The following TXK variants were observed in gnomAD, a reference collection of about 807,000 sequenced individuals.
The protein encoded by TXK is TXK tyrosine kinase, also known as tyrosine-protein kinase TXK.
A neutral mutation model predicts 81.0 loss-of-function variants in TXK; 60 were observed. The ratio of observed to expected loss-of-function variants is 0.74; its 90% CI spans 0.60 to 0.92. The LOEUF is 0.92. TXK is among the 40% of genes least tolerant of loss of function. The pLI is 0.00. For missense variants in TXK, 581 were observed against 638.3 expected (o/e 0.91, Z 0.97); for synonymous variants, 203 against 210.7 (o/e 0.96, Z 0.32).
rs2109419637 is a variant in TXK, at chr4:48,086,369, G to A, written c.956+97C>T. 6 of 1,279,320 alleles carry A rather than the reference G, an allele frequency of 4.7e-6. No homozygotes were observed. The South Asian group carries it at 8.0e-5, about 17-fold the overall frequency. 79.2% of individuals were successfully genotyped at this position (1,279,320 alleles called of 1,614,324 possible). A position where few individuals can be genotyped will look rare whatever the true frequency, so the allele number is the denominator to read the frequency against. On this transcript the variant is annotated intron_variant, in intron 10 of 14. Coordinates refer to ENST00000264316, the MANE Select transcript of TXK (RefSeq NM_003328.3). Reference sequence around the variant, plus strand: ...TTACACAATGAGCTTGAGCAAAGTTGTGACACAAATCCAGGTGTGGCTGCC... The same window carrying A: ...TTACACAATGAGCTTGAGCAAAGTTATGACACAAATCCAGGTGTGGCTGCC...
chr4:48,112,522 C>A lies in TXK; in HGVS notation c.175-10G>T. On this transcript the variant is annotated splice_polypyrimidine_tract_variant and intron_variant, in intron 3 of 14. Coordinates refer to ENST00000264316, the MANE Select transcript of TXK (RefSeq NM_003328.3). ...CACGGCCCGTGTTGGACTGTGAAAA[C>A]CAATAAGTGAGTTGTTTTACTATCA... 1 of 1,589,918 alleles carries A rather than the reference C, an allele frequency of 6.3e-7. No homozygotes were observed.
At chr4:48,112,551 T>G (rs776479427) in intron 3 of TXK, 39 bp from the exon 4 acceptor site, 1 of 1,548,374 alleles carries the variant, frequency 6.5e-7, no homozygotes, top group South Asian at 1.2e-5. Flanking sequence ...ACTATCATTT[T>G]AATAATTTGT....
At chr4:48,071,446 G>A in intron 14 of TXK, 71 bp downstream of exon 14, 2 of 1,457,262 alleles carry the variant, frequency 1.4e-6, no homozygotes, top group Non-Finnish European at 1.9e-6. Context: ...CTGAAGTAAT[G>A]TTTGTGATAA....
At chr4:48,090,571 C>A (rs1717725585) in intron 8 of TXK, among the ~76,000 whole-genome samples, 1 of 152,140 alleles carries the variant, frequency 6.6e-6, no homozygotes, top group Non-Finnish European at 1.5e-5. Context: ...GTTTAATAAT[C>A]ATTTATTATT....
chr4:48,124,861 C>G lies in TXK; in HGVS notation c.16+9294G>C, dbSNP rs542935488. Among the ~76,000 whole-genome samples, 3 of 152,296 alleles carry G rather than the reference C, an allele frequency of 2.0e-5. No homozygotes were observed. The East Asian group carries it at 5.8e-4, about 29-fold the overall frequency. The stretch of plus-strand genomic sequence containing the variant: ...TTTTTTCTTTTCTGTATTAAAAGAA[C>G]ATATGGGGTTCAGCAGGCTTTAGTA... On this transcript the variant is annotated intron_variant, in intron 1 of 14. Transcript: ENST00000264316.
chr4:48,086,506 T>G lies in TXK; in HGVS notation c.916A>C (p.Met306Leu). 1 of 1,614,130 alleles carries G rather than the reference T, an allele frequency of 6.2e-7. No individual in the cohort carries two copies. Among genetic ancestry groups the G allele is most frequent in the Non-Finnish European group, 8.5e-7 (1 of 1,179,998 alleles). Residue 306 changes from methionine to leucine, a missense_variant, in exon 10 of 15, where the codon ATG becomes CTG. By Grantham distance (15) the Met-to-Leu change is conservative. Transcript: ENST00000264316. ...VAIKAINEGS[M>L]SEEDFIEEAK... Reference sequence around the variant, plus strand: ...TCTTCAATGAAATCCTCTTCAGACATGGAGCCTTCATTGATGGCCTTGATA... The same window carrying G: ...TCTTCAATGAAATCCTCTTCAGACAGGGAGCCTTCATTGATGGCCTTGATA...
At chr4:48,095,817 T>C (rs1717957508) in intron 6 of TXK, among the ~76,000 whole-genome samples, 3 of 152,342 alleles carry the variant, frequency 2.0e-5, no homozygotes, top group Admixed American at 1.3e-4. Flanking sequence ...TCTGAAGTTA[T>C]GTTATAAATT....
At chr4:48,100,120 G>C (rs887732297) in intron 6 of TXK, among the ~76,000 whole-genome samples, 3 of 138,736 alleles carry the variant, frequency 2.2e-5, no homozygotes, top group African/African-American at 5.4e-5. Context: ...TGCAGTGAGC[G>C]GAGATCGCGC....
intron 1 of TXK, among the ~76,000 whole-genome samples, chr4:48,118,348 G>A (rs1162217949): frequency 6.6e-6 from 1 of 152,172 alleles, no homozygotes; most frequent in Non-Finnish European, 1.5e-5. Flanking sequence ...CTACCCAAGA[G>A]GCCACTGGTG....
At chr4:48,134,093 T>A in intron 1 of TXK, 62 bp downstream of exon 1, 1 of 1,594,120 alleles carries the variant, frequency 6.3e-7, no homozygotes, top group Non-Finnish European at 8.5e-7. Flanking sequence ...TCCTCTGCTG[T>A]TCAAGAATAA....
intron 1 of TXK, among the ~76,000 whole-genome samples, chr4:48,125,155 A>T (rs1415945893): frequency 6.6e-6 from 1 of 152,226 alleles, no homozygotes; most frequent in East Asian, 1.9e-4. Context: ...TCAGCCATTT[A>T]TCCAGTCACA....
intron 8 of TXK, 94 bp downstream of exon 8, chr4:48,093,983 G>A (rs532636311): frequency 2.1e-5 from 31 of 1,474,602 alleles, no homozygotes; most frequent in Non-Finnish European, 2.7e-5. Context: ...TTTCTATAGG[G>A]AGATTTGCTC....
intron 6 of TXK, among the ~76,000 whole-genome samples, chr4:48,101,217 A>C (rs1280192849): frequency 1.3e-5 from 2 of 152,168 alleles, no homozygotes; most frequent in Non-Finnish European, 2.9e-5. Flanking sequence ...AAATAAATTT[A>C]AAATAGGCAA....
intron 1 of TXK, among the ~76,000 whole-genome samples, chr4:48,123,718 C>T (rs1327253133): frequency 4.6e-5 from 7 of 152,156 alleles, no homozygotes. Flanking sequence ...AGGATTTGAA[C>T]CTGAATCTAG....
chr4:48,098,362 T>C (rs1718065448), intron 6 of TXK, among the ~76,000 whole-genome samples: 1 of 152,146 alleles, frequency 6.6e-6, no homozygotes, highest in Non-Finnish European at 1.5e-5. Context: ...TAAGAATAAT[T>C]CAGTATTTGG....
intron 1 of TXK, among the ~76,000 whole-genome samples, chr4:48,120,739 C>T (rs1486483269): frequency 6.6e-6 from 1 of 152,142 alleles, no homozygotes; most frequent in Non-Finnish European, 1.5e-5. Flanking sequence ...GATCTGCCCA[C>T]CTAGGCCTCC....
chr4:48,131,788 GC>G (rs2109491169), intron 1 of TXK, among the ~76,000 whole-genome samples: 2 of 152,244 alleles, frequency 1.3e-5, no homozygotes, highest in East Asian at 3.9e-4. Context: ...GTAATTTACA[GC>G]ATTTTCTTTA....
intron 10 of TXK, among the ~76,000 whole-genome samples, chr4:48,085,412 A>T (rs1022257567): frequency 1.3e-5 from 2 of 152,114 alleles, no homozygotes; most frequent in African/African-American, 4.8e-5. Context: ...AAAAGGAAAA[A>T]AAAAAGAGTA....
At chr4:48,113,348 G>C in intron 2 of TXK, 39 bp from the exon 3 acceptor site, 1 of 1,504,372 alleles carries the variant, frequency 6.6e-7, no homozygotes, top group Non-Finnish European at 9.2e-7. Flanking sequence ...ATAATTATTT[G>C]TACAAAAGTT....
Sources: gnomAD v4.1 joint callset for allele counts (sites outside exome capture counted in the v4.1 genomes callset) on GRCh38, gnomAD v4.1.1 for gene constraint, MANE v1.5 for transcripts, NCBI Gene and HGNC (gene_info 2026-07-23, HGNC 2026-07-21) for gene names.